The following MYH8 variants were observed in gnomAD, a reference collection of about 807,000 sequenced individuals.
The protein encoded by MYH8 is myosin-8.
Under a neutral mutation model 233.2 loss-of-function variants are expected in MYH8, and 168 were observed. The observed-to-expected ratio is 0.72, with a 90% confidence interval of 0.64 to 0.82. MYH8 has a LOEUF of 0.82. Among genes scored for constraint, MYH8 ranks in the 40% least tolerant of loss-of-function variants. MYH8 has a pLI of 0.00. For synonymous variants in MYH8, 785 were observed against 850.6 expected (o/e 0.92, Z 1.34); for missense variants, 1,995 against 2,327.8 (o/e 0.86, Z 2.94).
At chr17:10,399,698 G>A (rs768485099) in intron 27 of MYH8, 29 bp from the exon 28 acceptor site, 1 of 1,613,376 alleles carries the variant, frequency 6.2e-7, no homozygotes, top group South Asian at 1.1e-5. Flanking sequence ...TGAAAGATGA[G>A]ACATTGAATG....
At position 10,414,463 on chromosome 17, in the gene MYH8, ACT is replaced by A. The variant is rs1474920596; in HGVS notation, c.825_826del (p.Arg275SerfsTer21). Reference sequence around the variant, plus strand: ...TCTTTCCGCCTTTAGCTGGAAAGTAACTCTGGACTTTTCTAAAAGATCTGGAG... The same window carrying A: ...TCTTTCCGCCTTTAGCTGGAAAGTAACTGGACTTTTCTAAAAGATCTGGAG... On this transcript the variant is annotated frameshift_variant, in exon 10 of 40. Transcript: ENST00000403437. LOFTEE classifies it high-confidence loss of function. 3.7e-6 allele frequency: 6 copies of A among 1,611,710 alleles called. No homozygotes were observed. Among genetic ancestry groups the A allele is most frequent in the Admixed American group, 1.7e-5 (1 of 59,994 alleles).
At position 10,396,990 on chromosome 17, in the gene MYH8, A is replaced by C; in HGVS notation, c.4179-4T>G. ...CAGGCGCTGGGCCAACTTTTTCCTG[A>C]AAAGTTAGCCAGGCAGTCAGGAGAA... On this transcript the variant is annotated splice_polypyrimidine_tract_variant and splice_region_variant and intron_variant, in intron 30 of 39. Coordinates refer to ENST00000403437, the MANE Select transcript of MYH8 (RefSeq NM_002472.3). This position sits in a 1 kb window ranked among gnomAD's most constrained non-coding sequence, Gnocchi z 4.2. The C allele has an allele frequency of 6.2e-7, 1 of 1,614,186 alleles. No homozygotes were observed. Among genetic ancestry groups the C allele is most frequent in the Non-Finnish European group, 8.5e-7 (1 of 1,180,024 alleles).
chr17:10,399,292 T>C (rs187841906), intron 28 of MYH8, among the ~76,000 whole-genome samples: 8 of 152,140 alleles, frequency 5.3e-5, no homozygotes, highest in Non-Finnish European at 1.5e-5. Context: ...ATGTGTTTAA[T>C]CTACACTTCA....
chr17:10,414,626 C>A, intron 9 of MYH8, 142 bp from the exon 10 acceptor site: 1 of 679,060 alleles, frequency 1.5e-6, no homozygotes, highest in Non-Finnish European at 2.6e-6. Flanking sequence ...TGCAGATAGA[C>A]AGTGATTCTC....
At chr17:10,398,172 G>A (rs1000480269) in intron 30 of MYH8, among the ~76,000 whole-genome samples, 1 of 152,136 alleles carries the variant, frequency 6.6e-6, no homozygotes, top group Admixed American at 6.6e-5. Flanking sequence ...AAACCCAGCT[G>A]TATCATTTAT....
chr17:10,398,040 C>T (rs1462252018), intron 30 of MYH8, among the ~76,000 whole-genome samples: 1 of 152,142 alleles, frequency 6.6e-6, no homozygotes, highest in African/African-American at 2.4e-5. Flanking sequence ...TAAGGCTTCA[C>T]TTTATTTAGG....
chr17:10,406,464 A>G, intron 19 of MYH8, 67 bp from the exon 20 acceptor site: 1 of 1,600,242 alleles, frequency 6.2e-7, no homozygotes, highest in East Asian at 2.2e-5. Flanking sequence ...ATGACACCAA[A>G]AAGAAATATC....
At chr17:10,412,923 G>C (rs1376229109) in intron 12 of MYH8, among the ~76,000 whole-genome samples, 195 bp from the exon 13 acceptor site, 2 of 152,140 alleles carry the variant, frequency 1.3e-5, no homozygotes, top group Non-Finnish European at 2.9e-5. Flanking sequence ...GATCTTTAGT[G>C]ATTTATTTCA....
chr17:10,402,585 C>G (rs1323343492), intron 22 of MYH8, among the ~76,000 whole-genome samples: 1 of 151,732 alleles, frequency 6.6e-6, no homozygotes, highest in African/African-American at 2.4e-5. Flanking sequence ...ACTGTTTTTT[C>G]TCTCTCTAAA....
At position 10,400,943 on chromosome 17, in the gene MYH8, T is replaced by A; in HGVS notation, c.3271A>T (p.Ser1091Cys). 6.2e-7 allele frequency: 1 copy of A among 1,613,824 alleles called. No individual in the cohort carries two copies. The highest frequency in any genetic ancestry group is 1.1e-5 in the South Asian group (1 of 91,086). ...TCTTCAATTTTGCTTATCAAATTGCTGATTTCAAATTCTTTCCTTTAGACA... is the reference window on the plus strand; with the variant it reads ...TCTTCAATTTTGCTTATCAAATTGCAGATTTCAAATTCTTTCCTTTAGACA... ...EKLEKKEFEI[S>C]NLISKIEDEQ... The change falls in exon 26 of 40, where the codon AGC becomes TGC. Residue 1091 changes from serine to cysteine, a missense_variant. Coordinates refer to ENST00000403437, the MANE Select transcript of MYH8 (RefSeq NM_002472.3). The surrounding 1 kb of genome is among the most constrained non-coding windows in gnomAD (Gnocchi z 4.0).
Position 10,418,411 on chromosome 17 carries a change from G to A in MYH8, c.511+234C>T, listed in dbSNP as rs545097019. Among the ~76,000 whole-genome samples, 4 of 152,308 alleles carry A rather than the reference G, an allele frequency of 2.6e-5. No homozygotes were observed. In the South Asian group the frequency reaches 8.3e-4, roughly 32 times the overall value. ...CAGCTAGGCTTCCACTTAACTATCT[G>A]TGTTAGCTTGGGAAGGACAGTGAAT... On this transcript the variant is annotated intron_variant, in intron 5 of 39. Coordinates refer to ENST00000403437, the MANE Select transcript of MYH8 (RefSeq NM_002472.3).
chr17:10,413,431 C>A (rs184394419), intron 12 of MYH8, among the ~76,000 whole-genome samples: 2 of 152,094 alleles, frequency 1.3e-5, no homozygotes, highest in Non-Finnish European at 2.9e-5. Context: ...TTTTTTAACT[C>A]TTACTTGCTG....
At position 10,409,298 on chromosome 17, in the gene MYH8, C is replaced by T. The variant is rs142712082; in HGVS notation, c.1878G>A (p.Thr626=). 87 of 1,614,098 alleles carry T rather than the reference C, an allele frequency of 5.4e-5. No homozygotes were observed. Among genetic ancestry groups the T allele is most frequent in the East Asian group, 8.9e-5 (4 of 44,900 alleles). The change falls in exon 16 of 40, where the codon ACG becomes ACA. Residue 626 remains threonine (T), a synonymous_variant. Coordinates refer to ENST00000403437, the MANE Select transcript of MYH8 (RefSeq NM_002472.3). The stretch of plus-strand genomic sequence containing the variant: ...AAGTACCTGCTTCAGCACTAGCATA[C>T]GTGGAAAAGAGACTGGCTAGAGTCT... ...AMKTLASLFS[T]YASAEADSSA... is the part of the protein sequence containing the mutation.
chr17:10,411,468 A>G (rs7405660), intron 14 of MYH8, among the ~76,000 whole-genome samples: 57,640 of 151,974 alleles, frequency 0.38, 12,131 homozygotes, highest in East Asian at 0.87. Flanking sequence ...TAGAACAAGA[A>G]TTCTGGTAGA....
chr17:10,405,006 G>C (rs2072179844), intron 21 of MYH8, among the ~76,000 whole-genome samples: 1 of 152,170 alleles, frequency 6.6e-6, no homozygotes, highest in African/African-American at 2.4e-5. Flanking sequence ...TGGGCATATG[G>C]ATGAGAACTG....
In MYH8 at chr17:10,412,405, C is replaced by G; in HGVS notation, c.1381G>C (p.Gly461Arg). The change falls in exon 14 of 40, where the codon GGG (glycine) becomes CGG (arginine). Residue 461 changes from glycine to arginine, a missense_variant. This residue lies in a region of MYH8 where 479 missense variants were observed against 600.9 expected (regional missense o/e 0.80). Transcript: ENST00000403437. ...DTKQPRQYFI[G>R]VLDIAGFEIF... ...TCAAAGCCAGCAATGTCCAAGACCCCGATGAAGTACTGCCTGGGCTGCTTG... is the reference window on the plus strand; with the variant it reads ...TCAAAGCCAGCAATGTCCAAGACCCGGATGAAGTACTGCCTGGGCTGCTTG... 1.9e-6 allele frequency: 3 copies of G among 1,614,198 alleles called. No individual in the cohort carries two copies. The highest frequency in any genetic ancestry group is 1.1e-5 in the South Asian group (1 of 91,084).
chr17:10,413,762 G>A lies in MYH8; in HGVS notation c.1147+140C>T, dbSNP rs914713532. 1.8e-5 allele frequency: 22 copies of A among 1,244,400 alleles called. No homozygotes were observed. The African/African-American group carries it at 2.8e-4, about 16-fold the overall frequency. 77.1% of individuals were successfully genotyped at this position (1,244,400 alleles called of 1,614,324 possible). On this transcript the variant is annotated intron_variant, in intron 12 of 39. Transcript: ENST00000403437. ...GAGATGTAAGGAAGAGAGGGGGTGA[G>A]GAAAGCATGCAGTGTGTGTAAATGT...
chr17:10,419,833 G>A lies in MYH8; in HGVS notation c.210+185C>T, dbSNP rs776135741. The stretch of plus-strand genomic sequence containing the variant: ...TACATAGTGGGGTGAGGTCCTGTGC[G>A]AAGTTGGGAAGGGAAGACATGAAGG... On this transcript the variant is annotated intron_variant, in intron 3 of 39. Transcript: ENST00000403437. This position sits in a 1 kb window ranked among gnomAD's most constrained non-coding sequence, Gnocchi z 4.0. Among the ~76,000 whole-genome samples, 5 of 152,302 alleles carry A rather than the reference G, an allele frequency of 3.3e-5. No individual in the cohort carries two copies. The highest frequency in any genetic ancestry group is 2.1e-4 in the South Asian group (1 of 4,822).
Position 10,394,391 on chromosome 17 carries a change from GC to G in MYH8, c.5023del (p.Ala1675GlnfsTer59), listed in dbSNP as rs2072060703. 1 of 1,613,946 alleles carries G rather than the reference GC, an allele frequency of 6.2e-7. No homozygotes were observed. ...CAGGTTGGCTCTGCGCTCCACAATT[GC>G]CAGCTGTTCCTTGAGGTCCTCCTGG... ...RGQEDLKEQL[A>X]IVERRANLLQ... On this transcript the variant is annotated frameshift_variant, in exon 35 of 40. Coordinates refer to ENST00000403437, the MANE Select transcript of MYH8 (RefSeq NM_002472.3). LOFTEE classifies it high-confidence loss of function.
Sources: gnomAD v4.1 joint callset for allele counts (sites outside exome capture counted in the v4.1 genomes callset) on GRCh38, gnomAD v4.1.1 for gene constraint, gnomAD v4.1.1 regional missense constraint, Gnocchi (gnomAD v3.1) non-coding constraint, MANE v1.5 for transcripts, NCBI Gene and HGNC (gene_info 2026-07-23, HGNC 2026-07-21) for gene names.